The following DTX1 variants were observed in gnomAD, a reference collection of about 807,000 sequenced individuals.
DTX1 encodes E3 ubiquitin-protein ligase DTX1.
A neutral mutation model predicts 57.8 loss-of-function variants in DTX1; 26 were observed. The ratio of observed to expected loss-of-function variants is 0.45; its 90% confidence interval spans 0.33 to 0.62. DTX1 has a LOEUF of 0.62. DTX1 is among the 20% of genes least tolerant of loss of function. The pLI is 0.02. For synonymous variants in DTX1, 398 were observed against 394.1 expected (o/e 1.01, Z -0.12); for missense variants, 704 against 895.3 (o/e 0.79, Z 2.73).
At position 113,097,011 on chromosome 12, in the gene DTX1, C is replaced by G. The variant is rs1950309236; in HGVS notation, c.*72C>G. 5.4e-6 allele frequency: 8 copies of G among 1,480,530 alleles called. No individual in the cohort carries two copies. The South Asian group carries it at 9.2e-5, about 17-fold the overall frequency. The allele number at this position is 1,480,530 out of a possible 1,614,324, so 91.7% of individuals were successfully genotyped here. ...AAATGCCTCCTTCGCCAGGTGTGTC[C>G]TGGTAGCCCAGGTTCAGGGCTGGGG... On this transcript the variant is annotated 3_prime_UTR_variant, in exon 10 of 10. Transcript: ENST00000548759.
chr12:113,081,890 A>G (rs1454052531), intron 3 of DTX1, among the ~76,000 whole-genome samples: 1 of 152,086 alleles, frequency 6.6e-6, no homozygotes, highest in Non-Finnish European at 1.5e-5. Flanking sequence ...TTTACCCCAA[A>G]TGGGGGTACA....
rs1401949514 is a variant in DTX1, at chr12:113,093,098, C to T, written c.942-64C>T. On this transcript the variant is annotated intron_variant, in intron 3 of 9. Coordinates refer to ENST00000548759, the MANE Select transcript of DTX1 (RefSeq NM_004416.3). The surrounding 1 kb of genome is among the most constrained non-coding windows in gnomAD (Gnocchi z 4.2). Reference sequence around the variant, plus strand: ...CAGGAGCCAGAGACAGAAGGCAAGCCAGGTCCCCTGACGTCGCTTCGGGGG... The same window carrying T: ...CAGGAGCCAGAGACAGAAGGCAAGCTAGGTCCCCTGACGTCGCTTCGGGGG... 11 of 1,530,370 alleles carry T rather than the reference C, an allele frequency of 7.2e-6. No individual in the cohort carries two copies. Among genetic ancestry groups the T allele is most frequent in the African/African-American group, 1.4e-5 (1 of 72,584 alleles). 94.8% of individuals were successfully genotyped at this position (1,530,370 alleles called of 1,614,324 possible). A position where few individuals can be genotyped will look rare whatever the true frequency, so the allele number is the denominator to read the frequency against.
At chr12:113,064,776 G>A (rs942477428) in intron 2 of DTX1, among the ~76,000 whole-genome samples, 2 of 152,236 alleles carry the variant, frequency 1.3e-5, no homozygotes, top group African/African-American at 2.4e-5. Context: ...TACTTTGCAC[G>A]TAGTAAGCAC....
rs11545319 is a variant in DTX1 at position 113,097,161 on chromosome 12, T to C, written c.*222T>C. The C allele has an allele frequency of 0.13, 71,631 of 569,656 alleles. 5,228 individuals carry two copies. Among genetic ancestry groups the C allele is most frequent in the Middle Eastern group, 0.19 (401 of 2,144 alleles). 35.3% of individuals were successfully genotyped at this position (569,656 alleles called of 1,614,324 possible). On this transcript the variant is annotated 3_prime_UTR_variant, in exon 10 of 10. Transcript: ENST00000548759. ...CCTGAGAGGGCCAAGCAGAGAGTAC[T>C]GGAAACCTCCCTACCAAAAAGACAG...
chr12:113,069,160 T>A (rs1328197441), intron 2 of DTX1, among the ~76,000 whole-genome samples: 1 of 152,282 alleles, frequency 6.6e-6, no homozygotes, highest in Middle Eastern at 3.4e-3. Flanking sequence ...ATTTTATTAT[T>A]ATTACAATTA....
Position 113,093,550 on chromosome 12 carries a change from A to T in DTX1, c.1015A>T (p.Ile339Leu), listed in dbSNP as rs1440019741. Reference sequence around the variant, plus strand: ...CCCCTAACCCCCAGGGATGACCGGGATACTGCTGTGCGCGGCCGGGCTGCC... The same window carrying T: ...CCCCTAACCCCCAGGGATGACCGGGTTACTGCTGTGCGCGGCCGGGCTGCC... ...VHPALAGMTGILLCAAGLPVC... is the reference protein window; with the variant it reads ...VHPALAGMTGLLLCAAGLPVC... Residue 339 changes from isoleucine to leucine, a missense_variant, in exon 5 of 10, where the codon ATA becomes TTA. Ile to Leu is a conservative substitution (Grantham distance 5, BLOSUM62 2). Coordinates refer to ENST00000548759, the MANE Select transcript of DTX1 (RefSeq NM_004416.3). The surrounding 1 kb of genome is among the most constrained non-coding windows in gnomAD (Gnocchi z 4.2). The T allele has an allele frequency of 6.2e-7, 1 of 1,607,064 alleles. No homozygotes were observed. Among genetic ancestry groups the T allele is most frequent in the Non-Finnish European group, 8.5e-7 (1 of 1,177,190 alleles).
intron 3 of DTX1, among the ~76,000 whole-genome samples, chr12:113,087,922 G>A (rs1247269963): frequency 6.6e-6 from 1 of 152,150 alleles, no homozygotes; most frequent in Non-Finnish European, 1.5e-5. Flanking sequence ...CCCCTCTAGG[G>A]GACAGAGAGA....
At chr12:113,074,510 A>G (rs2044757330) in intron 2 of DTX1, among the ~76,000 whole-genome samples, 1 of 152,200 alleles carries the variant, frequency 6.6e-6, no homozygotes, top group Non-Finnish European at 1.5e-5. Flanking sequence ...GGGGAGGTAG[A>G]CAATGCCAGA....
At chr12:113,078,959 A>G (rs1300953241) in intron 3 of DTX1, among the ~76,000 whole-genome samples, 1 of 152,074 alleles carries the variant, frequency 6.6e-6, no homozygotes, top group Non-Finnish European at 1.5e-5. Flanking sequence ...TCTTGTTTTA[A>G]CCAGAGCAGC....
intron 2 of DTX1, among the ~76,000 whole-genome samples, chr12:113,076,177 G>T (rs779811842): frequency 1.2e-3 from 176 of 152,076 alleles, no homozygotes; most frequent in Non-Finnish European, 2.0e-3. Context: ...AGCATAAGGG[G>T]CCCAGGGGCG....
At chr12:113,079,617 T>C (rs2136060446) in intron 3 of DTX1, among the ~76,000 whole-genome samples, 1 of 143,914 alleles carries the variant, frequency 6.9e-6, no homozygotes, top group African/African-American at 2.5e-5. Context: ...AACTTCTGCC[T>C]CCAGGGTTCA....
intron 2 of DTX1, among the ~76,000 whole-genome samples, chr12:113,061,866 C>T (rs943249677): frequency 2.7e-5 from 4 of 149,760 alleles, no homozygotes; most frequent in East Asian, 1.9e-4. Context: ...ATACCACACC[C>T]GGCTAATTTT....
chr12:113,082,320 A>AC (rs1391490320), intron 3 of DTX1, among the ~76,000 whole-genome samples: 2 of 151,660 alleles, frequency 1.3e-5, no homozygotes, highest in African/African-American at 2.4e-5. Context: ...TCTCCAAGAA[A>AC]CCCCCCGGGG....
At position 113,093,504 on chromosome 12, in the gene DTX1, C is replaced by T. The variant is rs774965138; in HGVS notation, c.1004-35C>T. On this transcript the variant is annotated intron_variant, in intron 4 of 9. Transcript: ENST00000548759. This position sits in a 1 kb window ranked among gnomAD's most constrained non-coding sequence, Gnocchi z 4.2. ...TGGTCGGGGGTTTGGGCGGGGATGGCGCCCCGCCCTGTGACTGCGCCCCCT... is the reference window on the plus strand; with the variant it reads ...TGGTCGGGGGTTTGGGCGGGGATGGTGCCCCGCCCTGTGACTGCGCCCCCT... 2 of 1,309,930 alleles carry T rather than the reference C, an allele frequency of 1.5e-6. No individual in the cohort carries two copies. The highest frequency in any genetic ancestry group is 2.0e-6 in the Non-Finnish European group (2 of 998,580). The allele number at this position is 1,309,930 out of a possible 1,614,324, so 81.1% of individuals were successfully genotyped here.
chr12:113,070,689 G>A (rs1275744941), intron 2 of DTX1, among the ~76,000 whole-genome samples: 3 of 152,210 alleles, frequency 2.0e-5, no homozygotes, highest in African/African-American at 4.8e-5. Flanking sequence ...GCTAAACAAC[G>A]GAAAGTAAAG....
At chr12:113,084,380 A>G (rs550101573) in intron 3 of DTX1, among the ~76,000 whole-genome samples, 2 of 152,006 alleles carry the variant, frequency 1.3e-5, no homozygotes, top group Non-Finnish European at 2.9e-5. Flanking sequence ...CAGGCTCTCA[A>G]TTTCATGGCT....
Position 113,077,943 on chromosome 12 carries a change from C to T in DTX1, c.779C>T (p.Ala260Val), listed in dbSNP as rs2044785391. Residue 260 changes from alanine to valine, a missense_variant, in exon 3 of 10, where the codon GCA becomes GTA. Around this residue, in one of 3 missense-constraint regions of DTX1, gnomAD observed 299 missense variants for 311.2 expected, o/e 0.96. Transcript: ENST00000548759. This position sits in a 1 kb window ranked among gnomAD's most constrained non-coding sequence, Gnocchi z 7.8. ...SATFTGAALW[A>V]APAAGPAEPA... ...ACCTTCACAGGCGCCGCGCTCTGGG[C>T]AGCGCCCGCCGCCGGCCCCGCCGAG... 12 of 1,044,402 alleles carry T rather than the reference C, an allele frequency of 1.1e-5. No individual in the cohort carries two copies. Among genetic ancestry groups the T allele is most frequent in the Non-Finnish European group, 1.1e-5 (10 of 870,154 alleles). The allele number at this position is 1,044,402 out of a possible 1,614,324, so 64.7% of individuals were successfully genotyped here.
chr12:113,062,172 T>G lies in DTX1; in HGVS notation c.259+3721T>G, dbSNP rs2044669728. Reference sequence around the variant, plus strand: ...ATTGTAAAATTCTTGATATGTTCATTGAAGCTGAACTTGAACTTTGAGGGG... The same window carrying G: ...ATTGTAAAATTCTTGATATGTTCATGGAAGCTGAACTTGAACTTTGAGGGG... On this transcript the variant is annotated intron_variant, in intron 2 of 9. Coordinates refer to ENST00000548759, the MANE Select transcript of DTX1 (RefSeq NM_004416.3). 2.0e-5 allele frequency among the ~76,000 whole-genome samples: 3 copies of G among 152,196 alleles called. No homozygotes were observed. The South Asian group carries it at 6.2e-4, about 32-fold the overall frequency.
intron 3 of DTX1, among the ~76,000 whole-genome samples, chr12:113,089,367 A>G (rs1950228766): frequency 6.6e-6 from 1 of 152,154 alleles, no homozygotes; most frequent in South Asian, 2.1e-4. Context: ...GGACTGGGAA[A>G]GGCAGAGAGG....
Sources: allele counts gnomAD v4.1 joint callset (sites outside exome capture counted in the v4.1 genomes callset), GRCh38; gene constraint gnomAD v4.1.1; regional missense constraint gnomAD v4.1.1; non-coding constraint Gnocchi (gnomAD v3.1); transcripts MANE v1.5; gene names NCBI Gene and HGNC (gene_info 2026-07-23, HGNC 2026-07-21).